GFRA1: variants seen among roughly 807,000 people sequenced by gnomAD.
The protein encoded by GFRA1 is GDNF family receptor alpha 1, also known as GDNF family receptor alpha-1.
Under a neutral mutation model 51.6 loss-of-function variants are expected in GFRA1, and 16 were observed. That is an observed-to-expected ratio of 0.31 (90% CI 0.21 to 0.47). The LOEUF (loss-of-function observed/expected upper bound fraction) is 0.47, where lower values mean the gene tolerates loss of function less well. Ranked by LOEUF, GFRA1 falls within the 20% of genes least tolerant of loss-of-function variation. The probability of loss-of-function intolerance (pLI) is 1.00; values close to 1 mark genes in which losing one functional copy is unlikely to be tolerated. For missense variants in GFRA1, 530 were observed against 594.3 expected, an observed-to-expected ratio of 0.89 and a Z score of 1.13; for synonymous variants, 270 against 241.3, an observed-to-expected ratio of 1.12 and a Z score of -1.10.
intron 5 of GFRA1, among the ~76,000 whole-genome samples, chr10:116,199,848 CAGA>C (rs1964187628): frequency 6.6e-6 from 1 of 152,184 alleles, no homozygotes; most frequent in Admixed American, 6.5e-5. Context: ...ACCATCATCC[CAGA>C]AGATTCCCTC....
At chr10:116,167,893 A>T (rs1334325568) in intron 5 of GFRA1, among the ~76,000 whole-genome samples, 3 of 152,152 alleles carry the variant, frequency 2.0e-5, no homozygotes, top group Non-Finnish European at 2.9e-5. Context: ...GTCCTGATTC[A>T]TGAAATTCTT....
intron 7 of GFRA1, among the ~76,000 whole-genome samples, chr10:116,095,462 C>T (rs2530338): frequency 0.47 from 71,037 of 152,004 alleles, 18,332 homozygotes; most frequent in East Asian, 0.84. Context: ...TCATCCCTAG[C>T]AGAGATTAAC....
chr10:116,082,861 G>C (rs930123720), intron 9 of GFRA1, among the ~76,000 whole-genome samples: 1 of 152,130 alleles, frequency 6.6e-6, no homozygotes, highest in Admixed American at 6.5e-5. Flanking sequence ...CTGCTCCTGA[G>C]AGCAGCTCTT....
intron 9 of GFRA1, among the ~76,000 whole-genome samples, chr10:116,075,882 C>A (rs905941045): frequency 6.6e-6 from 1 of 152,096 alleles, no homozygotes; most frequent in Non-Finnish European, 1.5e-5. Context: ...GTAGCTGGGA[C>A]TACAGGTGCC....
chr10:116,163,209 G>A (rs1565620096), intron 5 of GFRA1, among the ~76,000 whole-genome samples: 1 of 152,166 alleles, frequency 6.6e-6, no homozygotes, highest in Non-Finnish European at 1.5e-5. Context: ...TCTATGGGTA[G>A]GGCATAACCC....
At chr10:116,247,124 C>T (rs1264421559) in intron 4 of GFRA1, among the ~76,000 whole-genome samples, 1 of 152,098 alleles carries the variant, frequency 6.6e-6, no homozygotes, top group Non-Finnish European at 1.5e-5. Flanking sequence ...TAGTTCTTGT[C>T]CCCGACCCCT....
rs562059239 is a variant in GFRA1 at position 116,120,656 on chromosome 10, C to T, written c.770+4565G>A. Among the ~76,000 whole-genome samples the T allele has an allele frequency of 4.5e-4, 69 of 152,292 alleles. 1 individual carries two copies. Among genetic ancestry groups the T allele is most frequent in the Non-Finnish European group, 6.3e-4 (43 of 68,026 alleles). ...TACCTAGTAACATACTGCCAGAAAACGTAGAGCGTGGACTACTGGTGTTCA... is the reference window on the plus strand; with the variant it reads ...TACCTAGTAACATACTGCCAGAAAATGTAGAGCGTGGACTACTGGTGTTCA... On this transcript the variant is annotated intron_variant, in intron 6 of 10. Transcript: ENST00000355422.
At chr10:116,175,334 T>C (rs1208949086) in intron 5 of GFRA1, among the ~76,000 whole-genome samples, 3 of 152,202 alleles carry the variant, frequency 2.0e-5, no homozygotes, top group South Asian at 2.1e-4. Flanking sequence ...ATGTGACTTC[T>C]TAGCTGTCTA....
intron 4 of GFRA1, among the ~76,000 whole-genome samples, chr10:116,239,194 T>G (rs1967149217): frequency 6.6e-6 from 1 of 152,262 alleles, no homozygotes; most frequent in African/African-American, 2.4e-5. Context: ...TGTTCAAAGC[T>G]GGTGTCTAAA....
intron 5 of GFRA1, among the ~76,000 whole-genome samples, chr10:116,147,578 C>T (rs1397056445): frequency 2.6e-5 from 4 of 152,184 alleles, no homozygotes; most frequent in Non-Finnish European, 4.4e-5. Context: ...AGTCACTTCA[C>T]GTCAGCTGGC....
At chr10:116,236,375 C>T (rs1966878647) in intron 4 of GFRA1, among the ~76,000 whole-genome samples, 1 of 152,064 alleles carries the variant, frequency 6.6e-6, no homozygotes, top group Admixed American at 6.5e-5. Flanking sequence ...CCCCTCTATG[C>T]TCAAAAAGGT....
At chr10:116,261,899 G>A (rs1454030437) in intron 4 of GFRA1, among the ~76,000 whole-genome samples, 3 of 152,228 alleles carry the variant, frequency 2.0e-5, no homozygotes, top group Admixed American at 2.0e-4. Context: ...GCAGACACTG[G>A]CCCAAGGTCA....
intron 6 of GFRA1, among the ~76,000 whole-genome samples, chr10:116,118,688 AG>A: frequency 6.6e-6 from 1 of 152,200 alleles, no homozygotes; most frequent in East Asian, 1.9e-4. Flanking sequence ...AGACGATAAA[AG>A]ATGGTCTGGT....
intron 5 of GFRA1, among the ~76,000 whole-genome samples, chr10:116,199,405 G>A (rs1404013898): frequency 1.3e-5 from 2 of 152,090 alleles, no homozygotes; most frequent in Non-Finnish European, 2.9e-5. Flanking sequence ...TTATGTAAAG[G>A]ACTCCAACTG....
chr10:116,215,997 C>G (rs1965535998), intron 4 of GFRA1, among the ~76,000 whole-genome samples: 1 of 152,120 alleles, frequency 6.6e-6, no homozygotes, highest in Admixed American at 6.5e-5. Context: ...ACTCAGATTG[C>G]CTTTCTTAGC....
In GFRA1 at chr10:116,271,122, G is replaced by A. The variant is rs1843895180; in HGVS notation, c.41-7C>T. Reference sequence around the variant, plus strand: ...TCGGCCGACAGGAGCAAGTCTGCGGGGCAGAGGGGAGGGAGCCTGAGTGCG... The same window carrying A: ...TCGGCCGACAGGAGCAAGTCTGCGGAGCAGAGGGGAGGGAGCCTGAGTGCG... On this transcript the variant is annotated splice_region_variant and splice_polypyrimidine_tract_variant and intron_variant, in intron 2 of 10. Transcript: ENST00000355422. 1.3e-6 allele frequency: 2 copies of A among 1,598,380 alleles called. No homozygotes were observed. Among genetic ancestry groups the A allele is most frequent in the Admixed American group, 3.4e-5 (2 of 59,582 alleles).
intron 4 of GFRA1, among the ~76,000 whole-genome samples, chr10:116,239,252 A>T (rs1454529589): frequency 1.3e-5 from 2 of 152,260 alleles, no homozygotes; most frequent in Non-Finnish European, 2.9e-5. Context: ...TAGTCAAAAT[A>T]CAGATCATGA....
intron 5 of GFRA1, among the ~76,000 whole-genome samples, chr10:116,131,342 A>G (rs7085153): frequency 0.37 from 55,781 of 152,108 alleles, 10,467 homozygotes; most frequent in East Asian, 0.41. Context: ...GTGGAAAAAC[A>G]TTCGGTAGCT....
intron 6 of GFRA1, among the ~76,000 whole-genome samples, chr10:116,109,460 A>G (rs1318143157): frequency 1.3e-5 from 2 of 152,200 alleles, no homozygotes; most frequent in Non-Finnish European, 2.9e-5. Context: ...ACATAAAAAA[A>G]ATAATATCTG....
Sources: gnomAD v4.1 joint callset for allele counts (sites outside exome capture counted in the v4.1 genomes callset) on GRCh38, gnomAD v4.1.1 for gene constraint, MANE v1.5 for transcripts, NCBI Gene and HGNC (gene_info 2026-07-23, HGNC 2026-07-21) for gene names.